The following SNX31 variants were observed in gnomAD, a reference collection of about 807,000 sequenced individuals.
SNX31 encodes the protein sorting nexin 31.
SNX31 carries 58 observed loss-of-function variants against 65.4 expected under a neutral mutation model. The ratio of observed to expected loss-of-function variants is 0.89; its 90% confidence interval spans 0.72 to 1.10. The LOEUF (loss-of-function observed/expected upper bound fraction) is 1.10, where lower values mean the gene tolerates loss of function less well. Among genes scored for constraint, SNX31 ranks in the 50% least tolerant of loss-of-function variants. The pLI is 0.00. For missense variants in SNX31, 523 were observed against 529.7 expected, an observed-to-expected ratio of 0.99 and a Z score of 0.12; for synonymous variants, 181 against 190.1, an observed-to-expected ratio of 0.95 and a Z score of 0.39.
intron 9 of SNX31, among the ~76,000 whole-genome samples, chr8:100,597,442 A>T (rs1184910397): frequency 6.6e-6 from 1 of 152,158 alleles, no homozygotes; most frequent in Non-Finnish European, 1.5e-5. Flanking sequence ...GGGTTTCACC[A>T]TGTTGGCCAG....
intron 4 of SNX31, chr8:100,619,799 A>G (rs1334867580): frequency 6.6e-6 from 1 of 152,228 alleles, no homozygotes; most frequent in African/African-American, 2.4e-5. Context: ...ACAATAAATT[A>G]ACTTCTCTCC....
At chr8:100,641,741 G>A (rs1174135323) in intron 2 of SNX31, among the ~76,000 whole-genome samples, 2 of 139,340 alleles carry the variant, frequency 1.4e-5, no homozygotes, top group African/African-American at 5.4e-5. Flanking sequence ...TTGAGACAGG[G>A]TCTCACTCCT....
Position 100,573,527 on chromosome 8 carries a change from AT to A in SNX31, c.*337del, listed in dbSNP as rs1812789705. On this transcript the variant is annotated 3_prime_UTR_variant, in exon 14 of 14. Coordinates refer to ENST00000311812, the MANE Select transcript of SNX31 (RefSeq NM_152628.4). ...ACTTCATGAAGCCATATAAAGATCTATTTTAGAGAAAAAATAGAATGAGTTT... is the reference window on the plus strand; with the variant it reads ...ACTTCATGAAGCCATATAAAGATCTATTTAGAGAAAAAATAGAATGAGTTT... 2 of 171,138 alleles carry A rather than the reference AT, an allele frequency of 1.2e-5. No homozygotes were observed. Among genetic ancestry groups the A allele is most frequent in the South Asian group, 4.0e-4 (2 of 5,000 alleles). The allele number at this position is 171,138 out of a possible 1,614,324, so 10.6% of individuals were successfully genotyped here.
In SNX31 at chr8:100,610,626, G is replaced by A. The variant is rs912719206; in HGVS notation, c.611+1374C>T. On this transcript the variant is annotated intron_variant, in intron 7 of 13. Transcript: ENST00000311812. The surrounding 1 kb of genome is among the most constrained non-coding windows in gnomAD (Gnocchi z 4.0). ...ACATACTGTAATTCCAGGAACAACT[G>A]TGCTCAGCCATTCACTACAGCAAGC... 6.6e-6 allele frequency among the ~76,000 whole-genome samples: 1 copy of A among 152,200 alleles called. No individual in the cohort carries two copies. Among genetic ancestry groups the A allele is most frequent in the Non-Finnish European group, 1.5e-5 (1 of 68,038 alleles).
At chr8:100,602,822 A>G (rs1815766838) in intron 8 of SNX31, among the ~76,000 whole-genome samples, 1 of 152,216 alleles carries the variant, frequency 6.6e-6, no homozygotes, top group Non-Finnish European at 1.5e-5. Context: ...ATGGCATGCA[A>G]TTTAAAACTT....
In SNX31 at chr8:100,626,671, A is replaced by T. The variant is rs565709817; in HGVS notation, c.321+3656T>A. ...TTCAAAGTTGATTGATGACTTAAAG[A>T]TAACTGGCAAGGGATCTATGCAAAA... On this transcript the variant is annotated intron_variant, in intron 4 of 13. Transcript: ENST00000311812. This position sits in a 1 kb window ranked among gnomAD's most constrained non-coding sequence, Gnocchi z 4.4. Among the ~76,000 whole-genome samples, 22 of 152,356 alleles carry T rather than the reference A, an allele frequency of 1.4e-4. No individual in the cohort carries two copies. The South Asian group carries it at 4.6e-3, about 32-fold the overall frequency.
At chr8:100,627,177 T>G (rs1563565820) in intron 4 of SNX31, among the ~76,000 whole-genome samples, 1 of 151,886 alleles carries the variant, frequency 6.6e-6, no homozygotes, top group Non-Finnish European at 1.5e-5. Context: ...CATGGTAAAA[T>G]CCTGTCTCTA....
Position 100,600,364 on chromosome 8 carries a change from T to A in SNX31, c.759A>T (p.Glu253Asp), listed in dbSNP as rs1327897214. 6.2e-7 allele frequency: 1 copy of A among 1,613,722 alleles called. No individual in the cohort carries two copies. Among genetic ancestry groups the A allele is most frequent in the Admixed American group, 1.7e-5 (1 of 59,966 alleles). The change falls in exon 9 of 14, where the codon GAA (glutamate) becomes GAT (aspartate). Residue 253 changes from glutamate (E) to aspartate (D), a missense_variant. Glu to Asp is a conservative substitution (Grantham distance 45, BLOSUM62 2). Transcript: ENST00000311812. ...QRQKLEAFQK[E>D]DSQTKFLELA... ...TTTGATTCACCTTTGTTTGACTGTC[T>A]TCTTTCTGGAAAGCTTCTAATTTCT...
intron 2 of SNX31, among the ~76,000 whole-genome samples, 190 bp downstream of exon 2, chr8:100,649,084 C>G (rs1229145252): frequency 1.3e-5 from 2 of 152,234 alleles, no homozygotes; most frequent in East Asian, 1.9e-4. Context: ...CCAGGAGCCG[C>G]AGCATGCATT....
At position 100,649,469 on chromosome 8, in the gene SNX31, C is replaced by T. The variant is rs1346016546; in HGVS notation, c.46G>A (p.Ala16Thr). 6.3e-7 allele frequency: 1 copy of T among 1,586,512 alleles called. No homozygotes were observed. Among genetic ancestry groups the T allele is most frequent in the Non-Finnish European group, 8.6e-7 (1 of 1,167,174 alleles). ...CGCACCACGTAGCGGCCCCCCAGCG[C>T]GTCGGACCGCTGCTGGGACACCGGG... is the stretch of plus-strand genomic sequence containing the variant. ...CIPVSQQRSD[A>T]LGGRYVLYSV... Residue 16 changes from alanine to threonine, a missense_variant, in exon 1 of 14, where the codon GCG (alanine) becomes ACG (threonine). By Grantham distance (58) the Ala-to-Thr change is moderately conservative. Transcript: ENST00000311812.
rs1159517191 is a variant in SNX31 at position 100,613,788 on chromosome 8, G to A, written c.433-703C>T. ...CTCACAGCATTGGACATCTACTCAC[G>A]CTCCCTTAGCAGAAAATTCTACACG... On this transcript the variant is annotated intron_variant, in intron 5 of 13. Coordinates refer to ENST00000311812, the MANE Select transcript of SNX31 (RefSeq NM_152628.4). The surrounding 1 kb of genome is among the most constrained non-coding windows in gnomAD (Gnocchi z 5.2). Among the ~76,000 whole-genome samples the A allele has an allele frequency of 2.0e-5, 3 of 152,034 alleles. No homozygotes were observed. The highest frequency in any genetic ancestry group is 7.2e-5 in the African/African-American group (3 of 41,380).
chr8:100,617,387 T>C (rs1342791321), intron 5 of SNX31, among the ~76,000 whole-genome samples: 1 of 152,092 alleles, frequency 6.6e-6, no homozygotes, highest in African/African-American at 2.4e-5. Context: ...AGGAGATCTC[T>C]GGAAAATTGG....
Position 100,609,797 on chromosome 8 carries a change from G to A in SNX31, c.612-1234C>T, listed in dbSNP as rs1199217726. 6.6e-6 allele frequency among the ~76,000 whole-genome samples: 1 copy of A among 152,112 alleles called. No individual in the cohort carries two copies. Among genetic ancestry groups the A allele is most frequent in the East Asian group, 1.9e-4 (1 of 5,180 alleles). The stretch of plus-strand genomic sequence containing the variant: ...AACTATGCACCCACACATCCCAGAG[G>A]CCCCTGTGTGCAGAGAATAGACCCA... On this transcript the variant is annotated intron_variant, in intron 7 of 13. Coordinates refer to ENST00000311812, the MANE Select transcript of SNX31 (RefSeq NM_152628.4). The surrounding 1 kb of genome is among the most constrained non-coding windows in gnomAD (Gnocchi z 4.9).
Position 100,613,139 on chromosome 8 carries a change from C to T in SNX31, c.433-54G>A. 7.1e-7 allele frequency: 1 copy of T among 1,402,584 alleles called. No homozygotes were observed. The highest frequency in any genetic ancestry group is 1.0e-6 in the Non-Finnish European group (1 of 988,830). The allele number at this position is 1,402,584 out of a possible 1,614,324, so 86.9% of individuals were successfully genotyped here. A position where few individuals can be genotyped will look rare whatever the true frequency, so the allele number is the denominator to read the frequency against. On this transcript the variant is annotated intron_variant, in intron 5 of 13. Transcript: ENST00000311812. This position sits in a 1 kb window ranked among gnomAD's most constrained non-coding sequence, Gnocchi z 5.2. ...AAAGTTAGGTGTGCCCACCATGCAT[C>T]CTAACTGTGACATGCAGACTTGGAA...
Position 100,633,912 on chromosome 8 carries a change from A to C in SNX31, c.256+1985T>G, listed in dbSNP as rs1042777922. On this transcript the variant is annotated intron_variant, in intron 3 of 13. Transcript: ENST00000311812. ...AAGCTCTGAAAATCAGCTACAGAAA[A>C]GTATGTATAGTAAAGTTCAATTTGT... Among the ~76,000 whole-genome samples, 20 of 152,366 alleles carry C rather than the reference A, an allele frequency of 1.3e-4. 1 individual carries two copies. The East Asian group carries it at 2.5e-3, about 19-fold the overall frequency.
intron 12 of SNX31, 102 bp from the exon 13 acceptor site, chr8:100,577,177 A>C: frequency 2.0e-6 from 2 of 1,023,158 alleles, no homozygotes; most frequent in Non-Finnish European, 2.9e-6. Flanking sequence ...AATCCTCTTA[A>C]TCGTCCCAAA....
At chr8:100,619,384 C>T (rs1817514262) in intron 4 of SNX31, among the ~76,000 whole-genome samples, 1 of 152,236 alleles carries the variant, frequency 6.6e-6, no homozygotes, top group African/African-American at 2.4e-5. Flanking sequence ...GAAGGAGCAG[C>T]TCCTGCTGGA....
At chr8:100,643,019 C>A (rs575339128) in intron 2 of SNX31, among the ~76,000 whole-genome samples, 2 of 152,122 alleles carry the variant, frequency 1.3e-5, no homozygotes, top group African/African-American at 4.8e-5. Context: ...GGCAAAACCC[C>A]CTCTCTACTA....
Position 100,630,941 on chromosome 8 carries a change from C to G in SNX31, c.257-550G>C, listed in dbSNP as rs750321853. ...TAGCTGGGATTACAGGCACTCACCA[C>G]CATGCCCGGCTAATTTTTGTATTTT... On this transcript the variant is annotated intron_variant, in intron 3 of 13. Coordinates refer to ENST00000311812, the MANE Select transcript of SNX31 (RefSeq NM_152628.4). The surrounding 1 kb of genome is among the most constrained non-coding windows in gnomAD (Gnocchi z 5.3). Among the ~76,000 whole-genome samples the G allele has an allele frequency of 1.3e-5, 2 of 152,114 alleles. No individual in the cohort carries two copies. Among genetic ancestry groups the G allele is most frequent in the Non-Finnish European group, 2.9e-5 (2 of 68,030 alleles).
Sources: allele counts gnomAD v4.1 joint callset (sites outside exome capture counted in the v4.1 genomes callset), GRCh38; gene constraint gnomAD v4.1.1; non-coding constraint Gnocchi (gnomAD v3.1); transcripts MANE v1.5; gene names NCBI Gene and HGNC (gene_info 2026-07-23, HGNC 2026-07-21).